ROCK2: variants seen among roughly 807,000 people sequenced by gnomAD.
ROCK2 encodes Rho associated coiled-coil containing protein kinase 2.
A neutral mutation model predicts 195.1 loss-of-function variants in ROCK2; 61 were observed. That is an observed-to-expected ratio of 0.31 (90% confidence interval 0.25 to 0.39). The LOEUF (loss-of-function observed/expected upper bound fraction) is 0.39. Ranked by LOEUF, ROCK2 falls within the 10% of genes least tolerant of loss-of-function variation. The pLI is 1.00. For missense variants in ROCK2, 1,109 were observed against 1,637.4 expected, an observed-to-expected ratio of 0.68 and a Z score of 5.57; for synonymous variants, 504 against 545.5, an observed-to-expected ratio of 0.92 and a Z score of 1.06.
At chr2:11,311,655 C>T (rs1321253751) in intron 1 of ROCK2, among the ~76,000 whole-genome samples, 1 of 152,152 alleles carries the variant, frequency 6.6e-6, no homozygotes, top group South Asian at 2.1e-4. Context: ...GACAATGTTA[C>T]CTAATTCTAT....
In ROCK2 at chr2:11,235,595, T is replaced by C. The variant is rs1334624405; in HGVS notation, c.723+107A>G. 8 of 1,245,216 alleles carry C rather than the reference T, an allele frequency of 6.4e-6. No individual in the cohort carries two copies. Among genetic ancestry groups the C allele is most frequent in the Non-Finnish European group, 7.8e-6 (7 of 894,106 alleles). The allele number at this position is 1,245,216 out of a possible 1,614,324, so 77.1% of individuals were successfully genotyped here. ...ATCTTGTTTGGGTGCTATACAGTTA[T>C]GAAAACTAAATTTACCTTTGTTCAA... On this transcript the variant is annotated intron_variant, in intron 5 of 32. Transcript: ENST00000315872. This position sits in a 1 kb window ranked among gnomAD's most constrained non-coding sequence, Gnocchi z 4.2.
chr2:11,341,748 T>TG (rs1235638678), intron 1 of ROCK2, among the ~76,000 whole-genome samples: 6 of 152,180 alleles, frequency 3.9e-5, no homozygotes, highest in African/African-American at 1.4e-4. Context: ...AGTAAAACAA[T>TG]GACCAATAGT....
At chr2:11,216,130 T>A (rs760058642) in intron 13 of ROCK2, 28 bp downstream of exon 13, 1 of 1,591,640 alleles carries the variant, frequency 6.3e-7, no homozygotes, top group East Asian at 2.2e-5. Context: ...CTAACAAAAA[T>A]GTTAATAAAA....
rs1663524315 is a variant in ROCK2, at chr2:11,193,827, C to T, written c.3639G>A (p.Gln1213=). ...DKLFHVRPVT[Q]TDVYRADAKE... Reference sequence around the variant, plus strand: ...TAGCATCTGCTCTATACACATCTGTCTGTGTAACTGGTCGGACATGAAATA... The same window carrying T: ...TAGCATCTGCTCTATACACATCTGTTTGTGTAACTGGTCGGACATGAAATA... The change falls in exon 30 of 33, where the codon CAG becomes CAA. Residue 1213 remains glutamine (Q), a synonymous_variant. Transcript: ENST00000315872. 1 of 1,601,866 alleles carries T rather than the reference C, an allele frequency of 6.2e-7. No homozygotes were observed. Among genetic ancestry groups the T allele is most frequent in the African/African-American group, 1.3e-5 (1 of 74,512 alleles).
chr2:11,250,606 G>A (rs543554139), intron 3 of ROCK2, among the ~76,000 whole-genome samples: 61 of 152,298 alleles, frequency 4.0e-4, no homozygotes, highest in Admixed American at 1.5e-3. Flanking sequence ...TCCTCCCACA[G>A]TTATTCCCCG....
intron 3 of ROCK2, among the ~76,000 whole-genome samples, chr2:11,263,100 G>A (rs1210120797): frequency 1.3e-5 from 2 of 152,128 alleles, no homozygotes; most frequent in Non-Finnish European, 2.9e-5. Context: ...ACAGTGAAGA[G>A]CCTGTTTTAT....
intron 32 of ROCK2, among the ~76,000 whole-genome samples, chr2:11,190,898 G>C (rs1663398247): frequency 6.6e-6 from 1 of 152,100 alleles, no homozygotes; most frequent in South Asian, 2.1e-4. Context: ...TCTGAATTCT[G>C]AGTTTCTTTA....
intron 1 of ROCK2, chr2:11,308,624 A>G (rs1488088129): frequency 1.4e-6 from 2 of 1,457,456 alleles, no homozygotes; most frequent in Non-Finnish European, 1.9e-6. Flanking sequence ...CATAGACTTA[A>G]CTCCTGTGCA....
chr2:11,264,752 G>T (rs1163969885), intron 3 of ROCK2, among the ~76,000 whole-genome samples: 1 of 152,114 alleles, frequency 6.6e-6, no homozygotes, highest in Non-Finnish European at 1.5e-5. Flanking sequence ...TACAAATTTA[G>T]AAGTCAGGTA....
At chr2:11,344,692 GT>G (rs1669237805), upstream of ROCK2, 5 of 149,048 alleles carry the variant, frequency 3.4e-5, 1 homozygote, top group Admixed American at 3.4e-4. The surrounding 1 kb of genome is among the most constrained non-coding windows in gnomAD (Gnocchi z 5.4). Flanking sequence ...GCCGGCGCGC[GT>G]CCCCGCCGGC....
At chr2:11,233,189 G>A (rs1665081732) in intron 5 of ROCK2, among the ~76,000 whole-genome samples, 1 of 152,106 alleles carries the variant, frequency 6.6e-6, no homozygotes, top group Non-Finnish European at 1.5e-5. Context: ...ACTCCAGCCT[G>A]GGCAATAGAG....
rs116296660 is a variant in ROCK2 at position 11,248,416 on chromosome 2, C to T, written c.462+1245G>A. ...AGCTAGTGAAGAAATATAATAGTAA[C>T]GAAGGCAAAGGCCAGGTGCGGTGGC... On this transcript the variant is annotated intron_variant, in intron 4 of 32. Coordinates refer to ENST00000315872, the MANE Select transcript of ROCK2 (RefSeq NM_004850.5). Among the ~76,000 whole-genome samples, 564 of 151,778 alleles carry T rather than the reference C, an allele frequency of 3.7e-3. 3 individuals are homozygous for T. Among genetic ancestry groups the T allele is most frequent in the African/African-American group, 0.011 (460 of 41,370 alleles).
At chr2:11,326,650 T>C (rs1668559490) in intron 1 of ROCK2, among the ~76,000 whole-genome samples, 1 of 152,200 alleles carries the variant, frequency 6.6e-6, no homozygotes, top group African/African-American at 2.4e-5. Context: ...TTGGTTGTTT[T>C]ATGAACATGT....
chr2:11,313,435 A>T (rs949571859), intron 1 of ROCK2, among the ~76,000 whole-genome samples: 1 of 151,996 alleles, frequency 6.6e-6, no homozygotes, highest in African/African-American at 2.4e-5. Context: ...ATTATCTCTT[A>T]TTGATGTTTT....
intron 6 of ROCK2, 27 bp from the exon 7 acceptor site, chr2:11,224,487 A>T: frequency 6.2e-7 from 1 of 1,601,454 alleles, no homozygotes; most frequent in Non-Finnish European, 8.5e-7. Context: ...GAAGATACTG[A>T]ATGTAACAGA....
At chr2:11,255,636 T>C (rs560162592) in intron 3 of ROCK2, among the ~76,000 whole-genome samples, 2 of 150,998 alleles carry the variant, frequency 1.3e-5, no homozygotes, top group East Asian at 3.9e-4. Flanking sequence ...AAATGGAAAC[T>C]AGGCCGGGTG....
intron 32 of ROCK2, among the ~76,000 whole-genome samples, chr2:11,186,190 ACACATAT>A (rs1360077419): frequency 1.3e-5 from 2 of 152,214 alleles, no homozygotes; most frequent in Admixed American, 1.3e-4. Context: ...TACTCACTGA[ACACATAT>A]CGCAACCTGG....
intron 3 of ROCK2, among the ~76,000 whole-genome samples, chr2:11,285,217 G>T (rs1183784827): frequency 6.7e-6 from 1 of 149,102 alleles, no homozygotes; most frequent in South Asian, 2.1e-4. Context: ...AGCCGAGATC[G>T]CGCCATTGCA....
chr2:11,292,083 T>G (rs115862584), intron 1 of ROCK2, among the ~76,000 whole-genome samples: 1,649 of 152,292 alleles, frequency 0.011, 7 homozygotes, highest in Non-Finnish European at 0.017. Context: ...CTAAAGGCTA[T>G]TTGGATTACA....
Sources: allele counts gnomAD v4.1 joint callset (sites outside exome capture counted in the v4.1 genomes callset), GRCh38; gene constraint gnomAD v4.1.1; non-coding constraint Gnocchi (gnomAD v3.1); transcripts MANE v1.5; gene names NCBI Gene and HGNC (gene_info 2026-07-23, HGNC 2026-07-21).